The following TENM2 variants were observed in gnomAD, a reference collection of about 807,000 sequenced individuals.
The protein encoded by TENM2 is teneurin transmembrane protein 2.
TENM2 carries 52 observed loss-of-function variants against 245.2 expected under a neutral mutation model. The observed-to-expected ratio is 0.21, with a 90% CI of 0.17 to 0.27. The LOEUF is 0.27. Ranked by LOEUF, TENM2 falls within the 10% of genes least tolerant of loss-of-function variation. The probability of loss-of-function intolerance (pLI) is 1.00; values close to 1 mark genes in which losing one functional copy is unlikely to be tolerated. For synonymous variants in TENM2, 1,363 were observed against 1,438.9 expected (o/e 0.95, Z 1.19); for missense variants, 3,046 against 3,666.8 (o/e 0.83, Z 4.37).
At chr5:167,424,650 G>C (rs891290337) in intron 2 of TENM2, among the ~76,000 whole-genome samples, 5 of 151,908 alleles carry the variant, frequency 3.3e-5, no homozygotes, top group African/African-American at 1.2e-4. Context: ...TCTTTTAAAG[G>C]CTCTTAATAT....
At chr5:167,136,210 T>C in the TENM2 span, among the ~76,000 whole-genome samples, 1 of 152,218 alleles carries the variant, frequency 6.6e-6, no homozygotes. Context: ...TTATTATTTT[T>C]TGTCTTGTGG....
chr5:167,046,088 T>G, the TENM2 span, among the ~76,000 whole-genome samples: 1 of 152,296 alleles, frequency 6.6e-6, no homozygotes, highest in Admixed American at 6.5e-5. Context: ...CTTACTGTCT[T>G]GCTTTCAAGT....
intron 2 of TENM2, among the ~76,000 whole-genome samples, chr5:167,794,846 T>C (rs1005206034): frequency 2.7e-4 from 41 of 152,342 alleles, no homozygotes; most frequent in African/African-American, 7.7e-4. Context: ...AAAAACCTGA[T>C]GAAACCTACA....
chr5:167,760,797 G>A (rs1762612036), intron 2 of TENM2, among the ~76,000 whole-genome samples: 1 of 152,162 alleles, frequency 6.6e-6, no homozygotes, highest in Admixed American at 6.5e-5. Flanking sequence ...GGGATTACAG[G>A]CGCGTGCCAC....
chr5:167,911,726 T>G (rs531584761), intron 3 of TENM2, among the ~76,000 whole-genome samples: 11 of 152,236 alleles, frequency 7.2e-5, no homozygotes, highest in African/African-American at 2.6e-4. Flanking sequence ...AGCGAATATT[T>G]ATTGGTGTTA....
chr5:168,073,841 A>C (rs1481523609), intron 7 of TENM2, among the ~76,000 whole-genome samples: 1 of 152,230 alleles, frequency 6.6e-6, no homozygotes, highest in East Asian at 1.9e-4. Context: ...ACAGATGCAC[A>C]TTCTGCCAGA....
At chr5:167,737,193 G>A (rs1302893749) in intron 2 of TENM2, among the ~76,000 whole-genome samples, 1 of 152,196 alleles carries the variant, frequency 6.6e-6, no homozygotes, top group East Asian at 1.9e-4. Context: ...AAATGGACGA[G>A]CCTAAAGTGA....
At chr5:167,043,733 C>T in the TENM2 span, among the ~76,000 whole-genome samples, 20 of 152,128 alleles carry the variant, frequency 1.3e-4, no homozygotes, top group East Asian at 3.9e-4. Flanking sequence ...TGTTCTAAGC[C>T]GGGCGCGGTG....
intron 2 of TENM2, among the ~76,000 whole-genome samples, chr5:167,493,865 TAAAC>T (rs1768607065): frequency 6.6e-6 from 1 of 151,988 alleles, no homozygotes; most frequent in African/African-American, 2.4e-5. Context: ...AACAAACACA[TAAAC>T]AATATAAAAT....
chr5:167,452,727 A>G (rs763318925), intron 2 of TENM2, among the ~76,000 whole-genome samples: 1 of 151,318 alleles, frequency 6.6e-6, no homozygotes, highest in Non-Finnish European at 1.5e-5. Flanking sequence ...CGGGAATTGA[A>G]CAATGAGACC....
intron 2 of TENM2, among the ~76,000 whole-genome samples, chr5:167,713,531 G>A (rs1471297658): frequency 1.3e-5 from 2 of 152,038 alleles, no homozygotes; most frequent in South Asian, 2.1e-4. Flanking sequence ...CTGACCACAT[G>A]CACTTGCATA....
intron 3 of TENM2, among the ~76,000 whole-genome samples, chr5:167,925,849 A>G (rs1254226806): frequency 1.3e-5 from 2 of 152,256 alleles, no homozygotes; most frequent in Non-Finnish European, 2.9e-5. Context: ...AAACTAATGC[A>G]GGAACAGAAA....
the TENM2 span, among the ~76,000 whole-genome samples, chr5:167,184,008 C>T: frequency 6.6e-6 from 1 of 152,066 alleles, no homozygotes; most frequent in African/African-American, 2.4e-5. Context: ...CCTTTGAAAC[C>T]TCTATATTCA....
chr5:167,600,837 C>G (rs564295735), intron 2 of TENM2, among the ~76,000 whole-genome samples: 13 of 152,280 alleles, frequency 8.5e-5, no homozygotes, highest in Admixed American at 7.8e-4. Context: ...CTGGGTTTTT[C>G]CTAGACAGAT....
chr5:167,071,138 T>C, the TENM2 span, among the ~76,000 whole-genome samples: 28,893 of 152,028 alleles, frequency 0.19, 3,680 homozygotes, highest in East Asian at 0.4. Flanking sequence ...ATTTTATAAA[T>C]TTGTACTATT....
Position 167,486,709 on chromosome 5 carries a change from G to A in TENM2, c.502+111236G>A, listed in dbSNP as rs558622836. 7.2e-5 allele frequency among the ~76,000 whole-genome samples: 11 copies of A among 152,234 alleles called. No homozygotes were observed. The East Asian group carries it at 1.7e-3, about 24-fold the overall frequency. ...AGAATACATCACTAGATGAAATAAT[G>A]CAATGTAATGATTTTTTTTTCTCTG... On this transcript the variant is annotated intron_variant, in intron 2 of 28. Transcript: ENST00000518659.
chr5:168,198,644 CTT>C (rs1021740873), intron 15 of TENM2, among the ~76,000 whole-genome samples: 3 of 152,148 alleles, frequency 2.0e-5, no homozygotes, highest in Non-Finnish European at 4.4e-5. Context: ...GATGAAGAAA[CTT>C]GGGCTGAGAG....
At chr5:167,323,073 C>G (rs1424673086) in intron 1 of TENM2, among the ~76,000 whole-genome samples, 1 of 152,218 alleles carries the variant, frequency 6.6e-6, no homozygotes, top group African/African-American at 2.4e-5. Context: ...TTGTTCTGGT[C>G]TCATCTGAAT....
intron 2 of TENM2, among the ~76,000 whole-genome samples, chr5:167,405,423 C>T (rs781110508): frequency 2.6e-5 from 4 of 152,086 alleles, no homozygotes; most frequent in Non-Finnish European, 4.4e-5. Context: ...GGGTACTGCT[C>T]ATATTGCCCC....
Sources: allele counts gnomAD v4.1 joint callset (sites outside exome capture counted in the v4.1 genomes callset), GRCh38; gene constraint gnomAD v4.1.1; transcripts MANE v1.5; gene names NCBI Gene and HGNC (gene_info 2026-07-23, HGNC 2026-07-21).